Variants in NSD2 observed in about 807,000 individuals in gnomAD.
NSD2 encodes histone-lysine N-methyltransferase NSD2.
NSD2 carries 12 observed loss-of-function variants against 139.0 expected under a neutral mutation model. That is an observed-to-expected ratio of 0.09 (90% CI 0.06 to 0.14). The LOEUF (loss-of-function observed/expected upper bound fraction) is 0.14. Ranked by LOEUF, NSD2 falls within the 10% of genes least tolerant of loss-of-function variation. The pLI is 1.00. For synonymous variants in NSD2, 669 were observed against 648.7 expected (o/e 1.03, Z -0.48); for missense variants, 1,155 against 1,745.0 (o/e 0.66, Z 6.02).
chr4:1,889,775 G>A (rs1241239609), intron 1 of NSD2, among the ~76,000 whole-genome samples: 3 of 151,978 alleles, frequency 2.0e-5, no homozygotes, highest in Non-Finnish European at 4.4e-5. Flanking sequence ...CCAAAGTGCT[G>A]GGATTACAGG....
chr4:1,879,169 A>G lies in NSD2; in HGVS notation c.-30+7627A>G, dbSNP rs1369006621. On this transcript the variant is annotated intron_variant, in intron 1 of 21. Transcript: ENST00000508803. ...CTGCCTGTCTTTCCTTTATGTATCTATGTGTATATATGTAAATATATACAA... is the reference window on the plus strand; with the variant it reads ...CTGCCTGTCTTTCCTTTATGTATCTGTGTGTATATATGTAAATATATACAA... Among the ~76,000 whole-genome samples the G allele has an allele frequency of 6.6e-5, 10 of 152,122 alleles. No individual in the cohort carries two copies. The South Asian group carries it at 1.5e-3, about 22-fold the overall frequency.
At chr4:1,919,386 G>C (rs930353619) in intron 5 of NSD2, among the ~76,000 whole-genome samples, 3 of 152,052 alleles carry the variant, frequency 2.0e-5, no homozygotes, top group Non-Finnish European at 4.4e-5. Context: ...CATTTAAAAG[G>C]GTAGCAATGT....
At chr4:1,969,058 C>A (rs946026642) in intron 18 of NSD2, among the ~76,000 whole-genome samples, 1 of 152,202 alleles carries the variant, frequency 6.6e-6, no homozygotes, top group African/African-American at 2.4e-5. Flanking sequence ...CAGTGTCACC[C>A]GGACACAGGG....
At chr4:1,967,632 C>T (rs552509983) in intron 18 of NSD2, among the ~76,000 whole-genome samples, 10 of 152,234 alleles carry the variant, frequency 6.6e-5, no homozygotes, top group Admixed American at 5.2e-4. Context: ...GGGACATAGC[C>T]CCATTGTAAG....
chr4:1,979,866 CGT>C lies in NSD2; in HGVS notation c.*959_*960del, dbSNP rs1164722033. 4.3e-6 allele frequency: 1 copy of C among 232,470 alleles called. No individual in the cohort carries two copies. The highest frequency in any genetic ancestry group is 8.5e-6 in the Non-Finnish European group (1 of 117,642). 14.4% of individuals were successfully genotyped at this position (232,470 alleles called of 1,614,324 possible). On this transcript the variant is annotated 3_prime_UTR_variant, in exon 22 of 22. Coordinates refer to ENST00000508803, the MANE Select transcript of NSD2 (RefSeq NM_001042424.3). Reference sequence around the variant, plus strand: ...TGGCGAAAGGAGTGACTTTGCAGGGCGTGAGACCGCAGTCTGCTTAGAGCACA... The same window carrying C: ...TGGCGAAAGGAGTGACTTTGCAGGGCGAGACCGCAGTCTGCTTAGAGCACA...
rs544646078 is a variant in NSD2, at chr4:1,951,974, C to G, written c.2014-134C>G. The G allele has an allele frequency of 4.3e-6, 6 of 1,383,496 alleles. No homozygotes were observed. In the African/African-American group the frequency reaches 8.7e-5, roughly 20 times the overall value. The allele number at this position is 1,383,496 out of a possible 1,614,324, so 85.7% of individuals were successfully genotyped here. A position where few individuals can be genotyped will look rare whatever the true frequency, so the allele number is the denominator to read the frequency against. On this transcript the variant is annotated intron_variant, in intron 10 of 21. Coordinates refer to ENST00000508803, the MANE Select transcript of NSD2 (RefSeq NM_001042424.3). ...TGTTTGGGCCAGACGTTTGCCCATG[C>G]ATGTTATTATATATCCTTGAGTAGC...
chr4:1,921,451 C>T (rs944458088), intron 5 of NSD2, among the ~76,000 whole-genome samples: 4 of 150,186 alleles, frequency 2.7e-5, no homozygotes, highest in Non-Finnish European at 4.4e-5. Context: ...GAGCGAGACT[C>T]CGTCTCAAAT....
At chr4:1,916,571 C>T (rs1719431386) in intron 3 of NSD2, among the ~76,000 whole-genome samples, 1 of 152,192 alleles carries the variant, frequency 6.6e-6, no homozygotes, top group African/African-American at 2.4e-5. Flanking sequence ...GTCTCGAAAT[C>T]CTGAGCTCAA....
chr4:1,923,914 C>T (rs1720506888), intron 5 of NSD2, among the ~76,000 whole-genome samples: 1 of 152,176 alleles, frequency 6.6e-6, no homozygotes, highest in Non-Finnish European at 1.5e-5. Context: ...AAAAGGGCCA[C>T]ATACCCACAA....
intron 5 of NSD2, among the ~76,000 whole-genome samples, chr4:1,924,783 G>A (rs886564765): frequency 3.3e-5 from 5 of 151,762 alleles, no homozygotes; most frequent in Admixed American, 3.3e-4. Flanking sequence ...GAAAATTAAC[G>A]GGGCATGATG....
intron 15 of NSD2, 151 bp from the exon 16 acceptor site, chr4:1,957,782 C>G: frequency 1.4e-6 from 1 of 702,310 alleles, no homozygotes. Flanking sequence ...AAATACCTGC[C>G]CACTGACAGT....
intron 9 of NSD2, chr4:1,941,530 A>ATT (rs1270160005): frequency 9.6e-7 from 1 of 1,042,620 alleles, no homozygotes; most frequent in Non-Finnish European, 1.2e-6. Flanking sequence ...TAGATGAAGC[A>ATT]TTTTATCATC....
intron 9 of NSD2, chr4:1,944,435 G>A: frequency 2.8e-6 from 3 of 1,065,168 alleles, no homozygotes; most frequent in Non-Finnish European, 3.4e-6. Context: ...TGAATTGCCG[G>A]TTGTTGAGGT....
Position 1,918,269 on chromosome 4 carries a change from G to A in NSD2, c.1056G>A (p.Gln352=). 6.2e-7 allele frequency: 1 copy of A among 1,614,030 alleles called. No homozygotes were observed. Among genetic ancestry groups the A allele is most frequent in the South Asian group, 1.1e-5 (1 of 91,084 alleles). Residue 352 remains glutamine (Q), a synonymous_variant, in exon 5 of 22, where the codon CAG becomes CAA. Coordinates refer to ENST00000508803, the MANE Select transcript of NSD2 (RefSeq NM_001042424.3). ...AKFTFLYVGD[Q]LHLNPQVAKE... ...TCACCTTTCTCTATGTGGGGGACCA[G>A]CTTCATCTCAACCCTCAAGTAGCCA...
At position 1,970,054 on chromosome 4, in the gene NSD2, GGAAA is replaced by G. The variant is rs1474088985; in HGVS notation, c.3373-4802_3373-4799del. On this transcript the variant is annotated intron_variant, in intron 18 of 21. Transcript: ENST00000508803. ...GGGAAAGAGAGAAAGAAGGAATGTA[GGAAA>G]GAAAGAGAAGGATGCGAGTGACGCC... 1.2e-4 allele frequency among the ~76,000 whole-genome samples: 19 copies of G among 152,176 alleles called. 1 individual carries two copies. The highest frequency in any genetic ancestry group is 1.2e-3 in the Admixed American group (19 of 15,278).
intron 1 of NSD2, among the ~76,000 whole-genome samples, chr4:1,876,597 T>G (rs1714278553): frequency 6.6e-6 from 1 of 151,644 alleles, no homozygotes; most frequent in African/African-American, 2.4e-5. Context: ...GTGGCTGAAG[T>G]GGGAGGTCAC....
chr4:1,901,527 G>C (rs1717175205), intron 2 of NSD2, among the ~76,000 whole-genome samples: 1 of 152,194 alleles, frequency 6.6e-6, no homozygotes, highest in African/African-American at 2.4e-5. Context: ...AAGAGGCAAA[G>C]CTTGTTTCTT....
intron 9 of NSD2, chr4:1,944,650 G>A: frequency 9.4e-7 from 1 of 1,063,276 alleles, no homozygotes; most frequent in South Asian, 4.6e-5. Context: ...ATTGTAATAG[G>A]GTGGCATCTT....
intron 6 of NSD2, 115 bp downstream of exon 6, chr4:1,930,885 C>T (rs1400744262): frequency 1.7e-5 from 24 of 1,375,648 alleles, no homozygotes; most frequent in African/African-American, 1.2e-4. Flanking sequence ...GTTTCTGACC[C>T]GTGGGGTTTG....
Sources: allele counts gnomAD v4.1 joint callset (sites outside exome capture counted in the v4.1 genomes callset), GRCh38; gene constraint gnomAD v4.1.1; transcripts MANE v1.5; gene names NCBI Gene and HGNC (gene_info 2026-07-23, HGNC 2026-07-21).